Variants in CFAP20DC observed in about 807,000 individuals in gnomAD.
CFAP20DC encodes CFAP20 domain containing, also known as protein CFAP20DC.
Under a neutral mutation model 101.7 loss-of-function variants are expected in CFAP20DC, and 84 were observed. The observed-to-expected ratio is 0.83, with a 90% CI of 0.69 to 0.99. The LOEUF is 0.99. Among genes scored for constraint, CFAP20DC ranks in the 50% least tolerant of loss-of-function variants. CFAP20DC has a pLI of 0.00. For synonymous variants in CFAP20DC, 359 were observed against 351.2 expected, an observed-to-expected ratio of 1.02 and a Z score of -0.25; for missense variants, 1,007 against 970.3, an observed-to-expected ratio of 1.04 and a Z score of -0.50.
chr3:58,853,354 C>T (rs2078435342), intron 12 of CFAP20DC, among the ~76,000 whole-genome samples: 4 of 151,192 alleles, frequency 2.6e-5, no homozygotes, highest in Admixed American at 1.3e-4. Flanking sequence ...AGCTTACCAA[C>T]CAAAAAGAGT....
At chr3:58,736,257 G>A (rs897049553) in intron 3 of CFAP20DC, among the ~76,000 whole-genome samples, 18 of 152,282 alleles carry the variant, frequency 1.2e-4, no homozygotes, top group African/African-American at 4.3e-4. Context: ...GAAAAAGGAA[G>A]CTCTCTTCAA....
rs2074847651 is a variant in CFAP20DC at position 58,813,517 on chromosome 3, T to C, written c.2176-7061A>G. 2.6e-5 allele frequency among the ~76,000 whole-genome samples: 4 copies of C among 152,056 alleles called. No homozygotes were observed. In the South Asian group the frequency reaches 8.3e-4, roughly 32 times the overall value. On this transcript the variant is annotated intron_variant, in intron 14 of 16. Transcript: ENST00000482387. ...GTTGGTGTTAAGGGTTTCTCACCCA[T>C]CATAATGTGGCCCCTGACTGAGGAG...
At chr3:58,816,784 C>A (rs953211311) in intron 14 of CFAP20DC, among the ~76,000 whole-genome samples, 2 of 152,146 alleles carry the variant, frequency 1.3e-5, no homozygotes, top group African/African-American at 4.8e-5. Context: ...GGGTGGAGCC[C>A]ACCACAGCTC....
intron 5 of CFAP20DC, among the ~76,000 whole-genome samples, chr3:58,926,584 T>C (rs2107608753): frequency 6.6e-6 from 1 of 152,266 alleles, no homozygotes; most frequent in Admixed American, 6.5e-5. Flanking sequence ...CCCTTCTCAT[T>C]CAATGACACT....
chr3:58,982,840 TA>T (rs1254770586), intron 4 of CFAP20DC, among the ~76,000 whole-genome samples: 2 of 151,964 alleles, frequency 1.3e-5, no homozygotes, highest in Non-Finnish European at 2.9e-5. Context: ...ACATGTACCC[TA>T]AAAATTAAAG....
chr3:58,969,149 A>T (rs1383555500), intron 4 of CFAP20DC, among the ~76,000 whole-genome samples: 1 of 152,172 alleles, frequency 6.6e-6, no homozygotes, highest in Non-Finnish European at 1.5e-5. Context: ...TGATGCCTGC[A>T]GCTTTGTTCT....
chr3:59,047,356 A>T (rs949916681), intron 1 of CFAP20DC, 102 bp from the exon 2 acceptor site: 2 of 728,496 alleles, frequency 2.7e-6, no homozygotes, highest in Non-Finnish European at 4.5e-6. Flanking sequence ...AGTTAAGCTG[A>T]TCTGGGATGA....
chr3:58,858,683 TG>T (rs970579890), intron 12 of CFAP20DC, among the ~76,000 whole-genome samples: 37 of 152,180 alleles, frequency 2.4e-4, no homozygotes, highest in African/African-American at 8.5e-4. Context: ...TTAAAAATTC[TG>T]TAAAAAAACA....
chr3:58,808,306 G>T lies in CFAP20DC; in HGVS notation c.2176-1850C>A, dbSNP rs538576784. Among the ~76,000 whole-genome samples, 382 of 152,314 alleles carry T rather than the reference G, an allele frequency of 2.5e-3. 1 individual carries two copies. The highest frequency in any genetic ancestry group is 4.1e-3 in the Non-Finnish European group (282 of 68,032). ...AATGAAGGAAAAAATGTTAAGGGCA[G>T]CCAGAGAGAAAGGTCGGGGTACCCA... is the stretch of plus-strand genomic sequence containing the variant. On this transcript the variant is annotated intron_variant, in intron 14 of 16. Transcript: ENST00000482387.
At chr3:58,731,533 G>C (rs1336702316) in intron 3 of CFAP20DC, among the ~76,000 whole-genome samples, 1 of 152,180 alleles carries the variant, frequency 6.6e-6, no homozygotes, top group African/African-American at 2.4e-5. Flanking sequence ...AAGAGTGAAA[G>C]GATGCCATGT....
intron 13 of CFAP20DC, among the ~76,000 whole-genome samples, chr3:58,843,590 C>T (rs574916282): frequency 6.6e-6 from 1 of 152,034 alleles, no homozygotes; most frequent in South Asian, 2.1e-4. Flanking sequence ...AAACACTCTG[C>T]AGGATATTAT....
intron 4 of CFAP20DC, among the ~76,000 whole-genome samples, chr3:59,031,402 T>C (rs1243175787): frequency 6.6e-6 from 1 of 151,694 alleles, no homozygotes; most frequent in Non-Finnish European, 1.5e-5. Context: ...TAAAGTATAA[T>C]TTACCTTCTT....
Position 58,859,780 on chromosome 3 carries a change from AAATTT to A in CFAP20DC, c.1593+3773_1593+3777del, listed in dbSNP as rs754387953. Among the ~76,000 whole-genome samples, 8 of 152,236 alleles carry A rather than the reference AAATTT, an allele frequency of 5.3e-5. No individual in the cohort carries two copies. Among genetic ancestry groups the A allele is most frequent in the Non-Finnish European group, 1.2e-4 (8 of 68,042 alleles). On this transcript the variant is annotated intron_variant, in intron 12 of 16. Transcript: ENST00000482387. This position sits in a 1 kb window ranked among gnomAD's most constrained non-coding sequence, Gnocchi z 4.1. ...TTCATTTTTTCCCAACACATAAACT[AAATTT>A]AAAAGTATCTGAAGGCTACATAGAA...
chr3:58,787,368 T>G (rs888044791), intron 15 of CFAP20DC, among the ~76,000 whole-genome samples: 1 of 145,700 alleles, frequency 6.9e-6, no homozygotes, highest in African/African-American at 2.5e-5. Flanking sequence ...AGGGATAGCA[T>G]TGGGAGATAT....
chr3:58,991,994 A>C (rs192404745), intron 4 of CFAP20DC, among the ~76,000 whole-genome samples: 38 of 152,366 alleles, frequency 2.5e-4, no homozygotes, highest in African/African-American at 8.2e-4. Flanking sequence ...CATAGTAAGC[A>C]AACTATTGTT....
intron 13 of CFAP20DC, among the ~76,000 whole-genome samples, chr3:58,834,603 G>T (rs568374442): frequency 6.6e-6 from 1 of 152,094 alleles, no homozygotes; most frequent in African/African-American, 2.4e-5. Context: ...CTGGGCCTTC[G>T]TTCCACCACT....
rs11130672 is a variant in CFAP20DC at position 58,804,077 on chromosome 3, G to A, written c.2237+2318C>T. On this transcript the variant is annotated intron_variant, in intron 15 of 16. Coordinates refer to ENST00000482387, the MANE Select transcript of CFAP20DC (RefSeq NM_001394063.1). ...AAAAGTAGTGTGATCCTTCAATGGCGAGACTGGTTTATGAAGTAAAGGCTA... is the reference window on the plus strand; with the variant it reads ...AAAAGTAGTGTGATCCTTCAATGGCAAGACTGGTTTATGAAGTAAAGGCTA... Among the ~76,000 whole-genome samples the A allele has an allele frequency of 8.3e-3, 1,270 of 152,262 alleles. 13 individuals are homozygous for A. The highest frequency in any genetic ancestry group is 0.028 in the African/African-American group (1,181 of 41,556).
chr3:58,963,240 G>GTGTGTGTGTGTT, intron 4 of CFAP20DC, among the ~76,000 whole-genome samples: 1 of 147,082 alleles, frequency 6.8e-6, no homozygotes, highest in South Asian at 2.1e-4. Flanking sequence ...GTGTGTGTGT[G>GTGTGTGTGTGTT]TTTTAATAAA....
intron 15 of CFAP20DC, among the ~76,000 whole-genome samples, chr3:58,768,827 C>T (rs910957510): frequency 3.9e-5 from 6 of 152,216 alleles, no homozygotes; most frequent in Non-Finnish European, 1.5e-5. Context: ...TCTCTTTATC[C>T]TCAAGTCTTC....
Sources: allele counts gnomAD v4.1 joint callset (sites outside exome capture counted in the v4.1 genomes callset), GRCh38; gene constraint gnomAD v4.1.1; non-coding constraint Gnocchi (gnomAD v3.1); transcripts MANE v1.5; gene names NCBI Gene and HGNC (gene_info 2026-07-23, HGNC 2026-07-21).